Variants in ATP13A3 observed in about 807,000 individuals in gnomAD.
The protein encoded by ATP13A3 is ATPase 13A3, also known as polyamine-transporting ATPase 13A3.
ATP13A3 carries 59 observed loss-of-function variants against 158.1 expected under a neutral mutation model. The ratio of observed to expected loss-of-function variants is 0.37; its 90% CI spans 0.30 to 0.46. The LOEUF (loss-of-function observed/expected upper bound fraction) is 0.46, where lower values mean the gene tolerates loss of function less well. ATP13A3 is among the 20% of genes least tolerant of loss of function. ATP13A3 has a pLI of 1.00. For synonymous variants in ATP13A3, 491 were observed against 504.3 expected, an observed-to-expected ratio of 0.97 and a Z score of 0.35; for missense variants, 1,166 against 1,525.2, an observed-to-expected ratio of 0.76 and a Z score of 3.92.
chr3:194,449,298 G>A (rs1344710775), intron 11 of ATP13A3, among the ~76,000 whole-genome samples: 1 of 151,722 alleles, frequency 6.6e-6, no homozygotes, highest in Non-Finnish European at 1.5e-5. Flanking sequence ...TTTAAGACAC[G>A]ACTCTTAACA....
rs375016425 is a variant in ATP13A3 at position 194,474,490 on chromosome 3, T to A, written c.-47+11304A>T. Reference sequence around the variant, plus strand: ...GCATGGGCACTTAATATAATAGAAATTGACAAATCAAGAGTTTCAATAACA... The same window carrying A: ...GCATGGGCACTTAATATAATAGAAAATGACAAATCAAGAGTTTCAATAACA... On this transcript the variant is annotated intron_variant, in intron 2 of 33. Coordinates refer to ENST00000645319, the MANE Select transcript of ATP13A3 (RefSeq NM_001367549.1). Among the ~76,000 whole-genome samples the A allele has an allele frequency of 2.1e-4, 32 of 152,090 alleles. No homozygotes were observed. The East Asian group carries it at 3.9e-3, about 18-fold the overall frequency.
chr3:194,458,475 G>A (rs959920489), intron 6 of ATP13A3, among the ~76,000 whole-genome samples: 1 of 151,950 alleles, frequency 6.6e-6, no homozygotes, highest in Non-Finnish European at 1.5e-5. Flanking sequence ...TGCAACCTCC[G>A]GCCCCCTGGG....
intron 2 of ATP13A3, among the ~76,000 whole-genome samples, chr3:194,466,715 G>A (rs745990756): frequency 2.0e-5 from 3 of 152,166 alleles, no homozygotes; most frequent in African/African-American, 7.2e-5. Context: ...GCTGGGTGCA[G>A]TGGTGCATGC....
rs575157865 is a variant in ATP13A3, at chr3:194,456,075, A to G, written c.561-113T>C. On this transcript the variant is annotated intron_variant, in intron 7 of 33. Transcript: ENST00000645319. ...ACAGACTGTTCTTATTCATGTCTCC[A>G]AACACCTGTCTTCTATAATTCAAAC... is the stretch of plus-strand genomic sequence containing the variant. 5.2e-6 allele frequency: 3 copies of G among 579,570 alleles called. No individual in the cohort carries two copies. In the African/African-American group the frequency reaches 6.0e-5, roughly 12 times the overall value. The allele number at this position is 579,570 out of a possible 1,614,324, so 35.9% of individuals were successfully genotyped here.
intron 2 of ATP13A3, among the ~76,000 whole-genome samples, chr3:194,477,012 T>G (rs1453098495): frequency 1.3e-5 from 2 of 152,160 alleles, no homozygotes; most frequent in East Asian, 3.9e-4. Flanking sequence ...TCATCAGTGG[T>G]TATCACTCGC....
chr3:194,423,628 G>A (rs890838894), intron 30 of ATP13A3, among the ~76,000 whole-genome samples: 49 of 152,232 alleles, frequency 3.2e-4, no homozygotes, highest in Middle Eastern at 3.4e-3. Flanking sequence ...TGACAGTAAC[G>A]GCAATCGAGT....
intron 9 of ATP13A3, 130 bp from the exon 10 acceptor site, chr3:194,453,908 G>C (rs1355892742): frequency 1.4e-6 from 1 of 705,692 alleles, no homozygotes; most frequent in Non-Finnish European, 2.4e-6. Flanking sequence ...TGTCGAGTCA[G>C]AAATTCAGAG....
chr3:194,434,285 A>C (rs1485912437), intron 20 of ATP13A3, among the ~76,000 whole-genome samples: 1 of 152,268 alleles, frequency 6.6e-6, no homozygotes, highest in Non-Finnish European at 1.5e-5. Context: ...ATTCATTATC[A>C]AGTCTCAGAT....
intron 24 of ATP13A3, among the ~76,000 whole-genome samples, chr3:194,430,670 T>C (rs1180664423): frequency 6.6e-6 from 1 of 152,112 alleles, no homozygotes; most frequent in East Asian, 1.9e-4. Context: ...AACATAACTG[T>C]TTACTAAAAT....
intron 33 of ATP13A3, among the ~76,000 whole-genome samples, chr3:194,408,006 T>C (rs1376488283): frequency 6.6e-6 from 1 of 151,698 alleles, no homozygotes. Flanking sequence ...CCTAAATCAA[T>C]TCGAAAGCTG....
At chr3:194,446,781 T>C in intron 14 of ATP13A3, 146 bp downstream of exon 14, 1 of 702,408 alleles carries the variant, frequency 1.4e-6, no homozygotes, top group Non-Finnish European at 2.3e-6. Flanking sequence ...AAATGATGCA[T>C]ATACCAAATA....
At chr3:194,470,449 T>C (rs1480170010) in intron 2 of ATP13A3, among the ~76,000 whole-genome samples, 1 of 152,184 alleles carries the variant, frequency 6.6e-6, no homozygotes, top group Non-Finnish European at 1.5e-5. Flanking sequence ...ATATACTCTA[T>C]TTAAAAAACA....
At chr3:194,431,986 G>T in intron 21 of ATP13A3, 94 bp from the exon 22 acceptor site, 1 of 1,027,542 alleles carries the variant, frequency 9.7e-7, no homozygotes, top group Non-Finnish European at 1.3e-6. Context: ...CAGTCTCCAT[G>T]ACTGGGCTGG....
At chr3:194,474,736 T>C (rs1287427983) in intron 2 of ATP13A3, among the ~76,000 whole-genome samples, 2 of 152,222 alleles carry the variant, frequency 1.3e-5, no homozygotes, top group African/African-American at 4.8e-5. Context: ...AGATGGTCTC[T>C]GAAATTTAAA....
At chr3:194,420,175 T>C (rs569811522) in intron 30 of ATP13A3, 4 of 348,888 alleles carry the variant, frequency 1.1e-5, no homozygotes, top group South Asian at 5.7e-5. Flanking sequence ...CAACGTGATG[T>C]TATGTTTAAA....
intron 29 of ATP13A3, among the ~76,000 whole-genome samples, chr3:194,425,779 C>T (rs1328839414): frequency 2.6e-5 from 4 of 152,102 alleles, no homozygotes; most frequent in Non-Finnish European, 1.5e-5. Flanking sequence ...AATAAGCCCC[C>T]CTCAGTTTTT....
chr3:194,450,131 C>T lies in ATP13A3; in HGVS notation c.970+14G>A. On this transcript the variant is annotated intron_variant, in intron 11 of 33. Transcript: ENST00000645319. ...CATGAACAACTCATGTTGATATTTA[C>T]TCATTTAGCTTACCTGTTAACATGC... 1 of 1,611,632 alleles carries T rather than the reference C, an allele frequency of 6.2e-7. No individual in the cohort carries two copies. Among genetic ancestry groups the T allele is most frequent in the East Asian group, 2.2e-5 (1 of 44,830 alleles).
At chr3:194,410,140 A>T (rs574754402) in intron 33 of ATP13A3, among the ~76,000 whole-genome samples, 12 of 151,742 alleles carry the variant, frequency 7.9e-5, no homozygotes, top group Admixed American at 5.3e-4. Context: ...TGAACACTTC[A>T]GAGGTAGAAA....
chr3:194,428,171 A>G (rs187419881), intron 28 of ATP13A3, among the ~76,000 whole-genome samples: 2 of 148,998 alleles, frequency 1.3e-5, no homozygotes, highest in Admixed American at 1.3e-4. Flanking sequence ...CAGTGAGCTG[A>G]GATCGTGCCA....
Sources: gnomAD v4.1 joint callset for allele counts (sites outside exome capture counted in the v4.1 genomes callset) on GRCh38, gnomAD v4.1.1 for gene constraint, MANE v1.5 for transcripts, NCBI Gene and HGNC (gene_info 2026-07-23, HGNC 2026-07-21) for gene names.